The following GLT1D1 variants were observed in gnomAD, a reference collection of about 807,000 sequenced individuals.
GLT1D1 encodes glycosyltransferase 1 domain-containing protein 1.
In GLT1D1, 21 loss-of-function variants were observed where a neutral mutation model predicts 28.7. The observed-to-expected ratio is 0.73, with a 90% CI of 0.52 to 1.05. The LOEUF is 1.05. GLT1D1 is among the 50% of genes least tolerant of loss of function. GLT1D1 has a pLI of 0.00. For missense variants in GLT1D1, 343 were observed against 330.6 expected (o/e 1.04, Z -0.29); for synonymous variants, 147 against 124.8 (o/e 1.18, Z -1.19).
intron 2 of GLT1D1, among the ~76,000 whole-genome samples, chr12:128,881,018 A>G (rs988254843): frequency 6.7e-6 from 1 of 148,584 alleles, no homozygotes; most frequent in Non-Finnish European, 1.5e-5. Flanking sequence ...AGGTCAGGAG[A>G]TCGAGACCAT....
chr12:128,972,758 T>C (rs1286676138), intron 7 of GLT1D1, among the ~76,000 whole-genome samples: 1 of 152,122 alleles, frequency 6.6e-6, no homozygotes, highest in African/African-American at 2.4e-5. Context: ...GCAGCTGAGG[T>C]TCATACTCTG....
At chr12:128,947,029 G>A (rs1316449218) in intron 5 of GLT1D1, among the ~76,000 whole-genome samples, 2 of 152,156 alleles carry the variant, frequency 1.3e-5, no homozygotes, top group African/African-American at 4.8e-5. Context: ...TTAGAAAAAT[G>A]TTCTCTAAAT....
intron 4 of GLT1D1, among the ~76,000 whole-genome samples, chr12:128,920,917 A>G (rs558004282): frequency 2.0e-5 from 3 of 152,362 alleles, no homozygotes; most frequent in African/African-American, 4.8e-5. Flanking sequence ...TAAAAAAATT[A>G]GTCAGGTATG....
intron 4 of GLT1D1, among the ~76,000 whole-genome samples, chr12:128,927,533 C>T (rs1009692100): frequency 6.6e-6 from 1 of 152,050 alleles, no homozygotes; most frequent in African/African-American, 2.4e-5. Context: ...CCACCGCGCC[C>T]AGCTTACATT....
At chr12:128,969,514 C>T (rs1052636435) in intron 7 of GLT1D1, among the ~76,000 whole-genome samples, 5 of 152,118 alleles carry the variant, frequency 3.3e-5, no homozygotes, top group African/African-American at 7.2e-5. Context: ...GGGTGTGCAC[C>T]GAGCTGAGTG....
chr12:128,944,718 T>G, intron 4 of GLT1D1: 1 of 631,410 alleles, frequency 1.6e-6, no homozygotes, highest in Non-Finnish European at 2.9e-6. Context: ...TTGCAGTTCC[T>G]GAAGGGCCAC....
chr12:128,945,511 C>T (rs1041113060), intron 5 of GLT1D1, 142 bp downstream of exon 9: 21 of 742,450 alleles, frequency 2.8e-5, no homozygotes, highest in East Asian at 2.8e-4. Flanking sequence ...CCGGCGAGCC[C>T]GTGGCATCCT....
intron 4 of GLT1D1, among the ~76,000 whole-genome samples, chr12:128,917,594 T>A (rs1872230446): frequency 6.6e-6 from 1 of 152,152 alleles, no homozygotes; most frequent in South Asian, 2.1e-4. Flanking sequence ...TGCAAACTTC[T>A]AAGAAGAGAC....
intron 7 of GLT1D1, 75 bp downstream of exon 11, chr12:128,957,718 T>C: frequency 1.0e-6 from 1 of 987,980 alleles, no homozygotes; most frequent in Non-Finnish European, 1.6e-6. Flanking sequence ...GGAGAGATTC[T>C]TTCTGTTAGC....
At chr12:128,928,347 C>A (rs1295686833) in intron 4 of GLT1D1, among the ~76,000 whole-genome samples, 1 of 152,090 alleles carries the variant, frequency 6.6e-6, no homozygotes, top group Non-Finnish European at 1.5e-5. Flanking sequence ...CCCCTGAGAG[C>A]CACTTGCAGA....
At chr12:128,935,561 ATAGAG>A (rs944729057) in intron 4 of GLT1D1, among the ~76,000 whole-genome samples, 1 of 151,680 alleles carries the variant, frequency 6.6e-6, no homozygotes, top group African/African-American at 2.4e-5. Flanking sequence ...AAAAAGAACA[ATAGAG>A]TAGAGATGTT....
intron 4 of GLT1D1, among the ~76,000 whole-genome samples, chr12:128,924,103 G>A (rs1409184117): frequency 6.6e-6 from 1 of 152,024 alleles, no homozygotes; most frequent in African/African-American, 2.4e-5. Context: ...TGTGTCCAGG[G>A]CCTCATGCAG....
intron 3 of GLT1D1, among the ~76,000 whole-genome samples, chr12:128,894,043 G>A (rs1032707389): frequency 6.6e-6 from 1 of 152,120 alleles, no homozygotes; most frequent in Non-Finnish European, 1.5e-5. Context: ...CCCAGATACA[G>A]TTTCCTTGCA....
intron 7 of GLT1D1, among the ~76,000 whole-genome samples, chr12:128,978,374 A>G (rs1593220936): frequency 6.6e-6 from 1 of 152,088 alleles, no homozygotes; most frequent in Non-Finnish European, 1.5e-5. Flanking sequence ...CCGGCATGGC[A>G]TGTCAGGGCG....
intron 1 of GLT1D1, among the ~76,000 whole-genome samples, chr12:128,860,456 G>A (rs563309961): frequency 4.6e-5 from 7 of 152,314 alleles, no homozygotes; most frequent in Admixed American, 2.6e-4. Context: ...GTGAGACTCC[G>A]TCTCAACAAA....
chr12:128,910,157 A>G (rs1871359278), intron 4 of GLT1D1, among the ~76,000 whole-genome samples: 1 of 152,134 alleles, frequency 6.6e-6, no homozygotes, highest in Non-Finnish European at 1.5e-5. Flanking sequence ...TTTTCAAATG[A>G]TTAGAAAAAT....
At chr12:128,877,426 T>C (rs1566094535) in intron 2 of GLT1D1, among the ~76,000 whole-genome samples, 1 of 152,236 alleles carries the variant, frequency 6.6e-6, no homozygotes, top group Non-Finnish European at 1.5e-5. Context: ...TTTTCCACAC[T>C]GTATCAAACC....
At chr12:128,969,498 C>T (rs567531415) in intron 7 of GLT1D1, among the ~76,000 whole-genome samples, 24 of 152,166 alleles carry the variant, frequency 1.6e-4, no homozygotes, top group African/African-American at 5.3e-4. Flanking sequence ...AGGTTTGCCC[C>T]GAGCTGGGTG....
chr12:128,912,424 C>T (rs989571296), intron 4 of GLT1D1: 2 of 1,524,924 alleles, frequency 1.3e-6, no homozygotes, highest in Non-Finnish European at 1.8e-6. Context: ...CTTTCAAAAG[C>T]CGCATGCTAA....
Sources: gnomAD v4.1 joint callset for allele counts (sites outside exome capture counted in the v4.1 genomes callset) on GRCh38, gnomAD v4.1.1 for gene constraint, MANE v1.5 for transcripts, NCBI Gene and HGNC (gene_info 2026-07-23, HGNC 2026-07-21) for gene names.